The following CDK19 variants were observed in gnomAD, a reference collection of about 807,000 sequenced individuals.
CDK19 encodes the protein cyclin-dependent kinase 19.
Under a neutral mutation model 68.3 loss-of-function variants are expected in CDK19, and 20 were observed. The ratio of observed to expected loss-of-function variants is 0.29; its 90% confidence interval spans 0.21 to 0.43. The LOEUF is 0.43. CDK19 is among the 20% of genes least tolerant of loss of function. CDK19 has a pLI of 1.00. For synonymous variants in CDK19, 221 were observed against 222.8 expected (o/e 0.99, Z 0.07); for missense variants, 339 against 623.5 (o/e 0.54, Z 4.86).
At chr6:110,755,639 A>G (rs1407327018) in intron 1 of CDK19, among the ~76,000 whole-genome samples, 1 of 152,232 alleles carries the variant, frequency 6.6e-6, no homozygotes, top group African/African-American at 2.4e-5. Context: ...GCAATTAGCC[A>G]AAGACAAATA....
intron 2 of CDK19, among the ~76,000 whole-genome samples, chr6:110,705,946 T>C (rs1459807316): frequency 6.6e-6 from 1 of 151,676 alleles, no homozygotes; most frequent in East Asian, 1.9e-4. Context: ...TGTATACCTA[T>C]GTAATAAACC....
intron 2 of CDK19, among the ~76,000 whole-genome samples, chr6:110,734,914 T>C (rs1777124183): frequency 1.3e-5 from 2 of 152,204 alleles, no homozygotes; most frequent in African/African-American, 4.8e-5. Context: ...ATTACTTGAA[T>C]AGTAATTGGT....
intron 1 of CDK19, among the ~76,000 whole-genome samples, chr6:110,795,566 G>C (rs1251525417): frequency 6.6e-6 from 1 of 152,194 alleles, no homozygotes; most frequent in South Asian, 2.1e-4. Context: ...ATTGTTAGTA[G>C]TAGTGGAGAA....
Position 110,642,073 on chromosome 6 carries a change from C to T in CDK19, c.457-3367G>A, listed in dbSNP as rs9386929. ...ATCCCAGCACTTTGGGAGACCGAGGCGGGTGGATCACGAGGTCAGGAGTTC... is the reference window on the plus strand; with the variant it reads ...ATCCCAGCACTTTGGGAGACCGAGGTGGGTGGATCACGAGGTCAGGAGTTC... On this transcript the variant is annotated intron_variant, in intron 4 of 12. Coordinates refer to ENST00000368911, the MANE Select transcript of CDK19 (RefSeq NM_015076.5). 0.03 allele frequency among the ~76,000 whole-genome samples: 4,595 copies of T among 152,156 alleles called. 386 individuals carry two copies. The East Asian group carries it at 0.35, about 12-fold the overall frequency.
At chr6:110,679,440 C>T (rs1771817743) in intron 2 of CDK19, among the ~76,000 whole-genome samples, 1 of 151,942 alleles carries the variant, frequency 6.6e-6, no homozygotes, top group African/African-American at 2.4e-5. Flanking sequence ...TGGTGAAACA[C>T]CATCTCTACT....
chr6:110,769,911 T>C (rs535295274), intron 1 of CDK19, among the ~76,000 whole-genome samples: 84 of 152,256 alleles, frequency 5.5e-4, no homozygotes, highest in Non-Finnish European at 1.0e-3. Flanking sequence ...AGCCTGCAAA[T>C]GTATGAAAGG....
intron 1 of CDK19, among the ~76,000 whole-genome samples, chr6:110,804,088 T>C (rs1365788733): frequency 6.6e-6 from 1 of 151,936 alleles, no homozygotes; most frequent in Non-Finnish European, 1.5e-5. Context: ...TTTAAATATC[T>C]ACAAATATCA....
At chr6:110,795,084 C>T (rs1409374698) in intron 1 of CDK19, among the ~76,000 whole-genome samples, 1 of 152,160 alleles carries the variant, frequency 6.6e-6, no homozygotes, top group Non-Finnish European at 1.5e-5. Context: ...GTTTCTCCCA[C>T]CTCAGCCTCC....
chr6:110,648,294 A>G (rs1365099224), intron 4 of CDK19, among the ~76,000 whole-genome samples: 1 of 152,196 alleles, frequency 6.6e-6, no homozygotes, highest in East Asian at 1.9e-4. Flanking sequence ...ATCTACATAG[A>G]AAACCAAAGT....
Position 110,631,669 on chromosome 6 carries a change from C to T in CDK19, c.646+361G>A, listed in dbSNP as rs188111227. 1.5e-3 allele frequency among the ~76,000 whole-genome samples: 230 copies of T among 152,286 alleles called. 3 individuals carry two copies. Among genetic ancestry groups the T allele is most frequent in the African/African-American group, 5.3e-3 (222 of 41,556 alleles). ...AGAAGGGGTTCTTTCCAATACTGCACTACTCCTGTTTTTGTTTTTCATTTT... is the reference window on the plus strand; with the variant it reads ...AGAAGGGGTTCTTTCCAATACTGCATTACTCCTGTTTTTGTTTTTCATTTT... On this transcript the variant is annotated intron_variant, in intron 6 of 12. Transcript: ENST00000368911.
At chr6:110,674,443 T>G (rs1387206211) in intron 2 of CDK19, among the ~76,000 whole-genome samples, 2 of 152,216 alleles carry the variant, frequency 1.3e-5, no homozygotes, top group Non-Finnish European at 2.9e-5. Context: ...CTAGGCCTCT[T>G]GCACCAGTTA....
chr6:110,632,139 T>C lies in CDK19; in HGVS notation c.537A>G (p.Leu179=), dbSNP rs1779476794. Residue 179 remains leucine (L), a synonymous_variant, in exon 6 of 13, where the codon TTA becomes TTG. Transcript: ENST00000368911. ...CTAGTGGCTTTAGAGGAGAATTGAA[T>C]AATCTGGCAAAACCCATGTCAGCTA... ...VKIADMGFAR[L]FNSPLKPLAD... 3 of 1,609,514 alleles carry C rather than the reference T, an allele frequency of 1.9e-6. No homozygotes were observed. Among genetic ancestry groups the C allele is most frequent in the Non-Finnish European group, 2.5e-6 (3 of 1,178,904 alleles).
At chr6:110,623,757 T>C (rs1225202400) in intron 8 of CDK19, among the ~76,000 whole-genome samples, 1 of 147,044 alleles carries the variant, frequency 6.8e-6, no homozygotes, top group Non-Finnish European at 1.5e-5. Context: ...TATATACATA[T>C]ATATATACAC....
At chr6:110,798,977 T>C (rs1443354713) in intron 1 of CDK19, among the ~76,000 whole-genome samples, 2 of 151,130 alleles carry the variant, frequency 1.3e-5, no homozygotes, top group Non-Finnish European at 1.5e-5. Flanking sequence ...ACCCTGTCTC[T>C]ACAAAAAAAT....
chr6:110,687,313 A>C (rs1413640794), intron 2 of CDK19, among the ~76,000 whole-genome samples: 1 of 152,190 alleles, frequency 6.6e-6, no homozygotes, highest in Non-Finnish European at 1.5e-5. Context: ...ATTACAGCCA[A>C]GGGTTTTAAT....
At chr6:110,733,762 C>G (rs779299585) in intron 2 of CDK19, among the ~76,000 whole-genome samples, 18 of 151,970 alleles carry the variant, frequency 1.2e-4, no homozygotes, top group Non-Finnish European at 2.1e-4. Context: ...TCCTCTGACC[C>G]ATACTTCACC....
chr6:110,758,472 C>A (rs116975724), intron 1 of CDK19, among the ~76,000 whole-genome samples: 426 of 152,238 alleles, frequency 2.8e-3, no homozygotes, highest in Non-Finnish European at 4.9e-3. Flanking sequence ...TCTCCCTTAC[C>A]CCATCCCCAA....
chr6:110,796,173 C>G (rs1007859879), intron 1 of CDK19, among the ~76,000 whole-genome samples: 1 of 151,986 alleles, frequency 6.6e-6, no homozygotes, highest in Non-Finnish European at 1.5e-5. Flanking sequence ...CCGGTCTCTA[C>G]TAAAAATACA....
At chr6:110,781,215 AG>A (rs1305726394) in intron 1 of CDK19, among the ~76,000 whole-genome samples, 1 of 152,186 alleles carries the variant, frequency 6.6e-6, no homozygotes, top group Non-Finnish European at 1.5e-5. Flanking sequence ...TGAGGGCCTC[AG>A]GAAGCTTTCA....
Sources: allele counts gnomAD v4.1 joint callset (sites outside exome capture counted in the v4.1 genomes callset), GRCh38; gene constraint gnomAD v4.1.1; transcripts MANE v1.5; gene names NCBI Gene and HGNC (gene_info 2026-07-23, HGNC 2026-07-21).